The following HTR4 variants were observed in gnomAD, a reference collection of about 807,000 sequenced individuals.
The protein encoded by HTR4 is 5-hydroxytryptamine (serotonin) receptor 4, G protein-coupled.
A neutral mutation model predicts 36.8 loss-of-function variants in HTR4; 16 were observed. The observed-to-expected ratio is 0.43, with a 90% CI of 0.29 to 0.66. The LOEUF (loss-of-function observed/expected upper bound fraction) is 0.66. Ranked by LOEUF, HTR4 falls within the 30% of genes least tolerant of loss-of-function variation. The pLI is 0.13. For synonymous variants in HTR4, 189 were observed against 185.1 expected (o/e 1.02, Z -0.17); for missense variants, 438 against 490.9 (o/e 0.89, Z 1.02).
At chr5:148,590,282 CTTTTCTTTT>C (rs1761508989) in intron 2 of HTR4, among the ~76,000 whole-genome samples, 1 of 75,696 alleles carries the variant, frequency 1.3e-5, no homozygotes, top group Non-Finnish European at 2.8e-5. Flanking sequence ...TTTCTTTTTT[CTTTTCTTTT>C]TTTTTTTTTT....
At chr5:148,559,667 A>G (rs149394902) in intron 2 of HTR4, among the ~76,000 whole-genome samples, 19 of 152,274 alleles carry the variant, frequency 1.2e-4, no homozygotes, top group African/African-American at 4.6e-4. Flanking sequence ...CCAGCCCAGA[A>G]CGATCAGGAC....
intron 5 of HTR4, among the ~76,000 whole-genome samples, chr5:148,522,428 C>A (rs1427201046): frequency 6.6e-6 from 1 of 152,120 alleles, no homozygotes; most frequent in Non-Finnish European, 1.5e-5. Flanking sequence ...TGTTACTTAA[C>A]CTTAACCTAC....
chr5:148,635,832 A>C (rs1335158568), intron 2 of HTR4, among the ~76,000 whole-genome samples: 2 of 152,180 alleles, frequency 1.3e-5, no homozygotes, highest in Non-Finnish European at 2.9e-5. Flanking sequence ...GCACCAGCCT[A>C]AATAATCTAT....
chr5:148,480,860 C>T (rs113657221), downstream of HTR4, among the ~76,000 whole-genome samples: 95 of 152,284 alleles, frequency 6.2e-4, no homozygotes, highest in African/African-American at 2.0e-3. Context: ...TAATCCAAAA[C>T]GCCCAAAGTA....
At chr5:148,604,859 A>G (rs1232660906) in intron 2 of HTR4, among the ~76,000 whole-genome samples, 5 of 152,210 alleles carry the variant, frequency 3.3e-5, no homozygotes, top group Admixed American at 6.5e-5. Context: ...TGGAAATGTT[A>G]TTATTTCTTG....
intron 2 of HTR4, among the ~76,000 whole-genome samples, chr5:148,588,759 CTT>C (rs2127255739): frequency 1.3e-5 from 2 of 151,180 alleles, no homozygotes; most frequent in East Asian, 3.9e-4. Flanking sequence ...CCAGGATGGT[CTT>C]GATCTCCTGA....
chr5:148,523,045 T>C, intron 5 of HTR4, 148 bp downstream of exon 5: 1 of 691,770 alleles, frequency 1.4e-6, no homozygotes, highest in South Asian at 2.2e-5. Flanking sequence ...TCAGTAAGCA[T>C]TCAAAAGTGT....
At chr5:148,628,469 T>C (rs1753201465) in intron 2 of HTR4, 1 of 152,232 alleles carries the variant, frequency 6.6e-6, no homozygotes, top group African/African-American at 2.4e-5. Flanking sequence ...ATTTTCCTTT[T>C]ATTGTCGAAA....
At chr5:148,561,745 A>G (rs1440651918) in intron 2 of HTR4, among the ~76,000 whole-genome samples, 1 of 152,082 alleles carries the variant, frequency 6.6e-6, no homozygotes, top group Non-Finnish European at 1.5e-5. Flanking sequence ...CCTCAAAATT[A>G]TTCCTGTGAT....
At chr5:148,496,064 C>T (rs890217802) in intron 6 of HTR4, among the ~76,000 whole-genome samples, 3 of 152,116 alleles carry the variant, frequency 2.0e-5, no homozygotes, top group Admixed American at 6.5e-5. Flanking sequence ...CGCGCCACTG[C>T]ACTCCAGCCT....
intron 2 of HTR4, among the ~76,000 whole-genome samples, chr5:148,601,743 G>A (rs899747840): frequency 6.6e-6 from 1 of 152,172 alleles, no homozygotes; most frequent in Admixed American, 6.5e-5. Flanking sequence ...GGAGGTTGCA[G>A]TGAACTAAGG....
At chr5:148,553,994 A>G (rs984804850) in intron 2 of HTR4, among the ~76,000 whole-genome samples, 1 of 152,272 alleles carries the variant, frequency 6.6e-6, no homozygotes, top group Admixed American at 6.5e-5. Context: ...CCATTAATAG[A>G]TAAGTGAATA....
chr5:148,456,606 T>C (rs534864748), intron 5 of HTR4, among the ~76,000 whole-genome samples: 1 of 152,316 alleles, frequency 6.6e-6, no homozygotes, highest in Non-Finnish European at 1.5e-5. Flanking sequence ...CATCTACAAA[T>C]GCCTTAACAG....
intron 6 of HTR4, among the ~76,000 whole-genome samples, chr5:148,492,211 AGG>A (rs1756486567): frequency 6.6e-6 from 1 of 152,204 alleles, no homozygotes; most frequent in African/African-American, 2.4e-5. Context: ...ACGGAGCAAA[AGG>A]GGGAAAACAA....
chr5:148,621,572 G>A (rs774871829), intron 2 of HTR4, among the ~76,000 whole-genome samples: 1 of 152,188 alleles, frequency 6.6e-6, no homozygotes, highest in African/African-American at 2.4e-5. Context: ...CAGCAAGTTT[G>A]TGTTCTTGAA....
At chr5:148,560,204 TTAA>T (rs771512864) in intron 2 of HTR4, among the ~76,000 whole-genome samples, 4,666 of 124,916 alleles carry the variant, frequency 0.037, 93 homozygotes, top group South Asian at 0.055. Flanking sequence ...AGCTTTTTTT[TTAA>T]AAAAAAAAAA....
intron 4 of HTR4, among the ~76,000 whole-genome samples, chr5:148,547,562 A>AAAAATAAAATAAAAT (rs1554094303): frequency 7.2e-6 from 1 of 138,922 alleles, no homozygotes; most frequent in African/African-American, 2.7e-5. Context: ...AAAATAAAAT[A>AAAAATAAAATAAAAT]AAATAAATAA....
chr5:148,502,278 A>G (rs1402667006), intron 6 of HTR4, among the ~76,000 whole-genome samples: 1 of 152,172 alleles, frequency 6.6e-6, no homozygotes, highest in Non-Finnish European at 1.5e-5. Context: ...TCACACAGCC[A>G]GTTACCTCTC....
rs367886362 is a variant in HTR4, at chr5:148,550,281, C to G, written c.27-19G>C. 8.7e-6 allele frequency: 14 copies of G among 1,613,172 alleles called. No individual in the cohort carries two copies. The highest frequency in any genetic ancestry group is 2.2e-5 in the South Asian group (2 of 90,870). On this transcript the variant is annotated intron_variant, in intron 2 of 6. Coordinates refer to ENST00000377888, the MANE Select transcript of HTR4 (RefSeq NM_000870.7). ...CTCAGAACTGAAAGACACACACAAG[C>G]ACAAAGAATTGAATGAAACTCTGGG...
Sources: allele counts gnomAD v4.1 joint callset (sites outside exome capture counted in the v4.1 genomes callset), GRCh38; gene constraint gnomAD v4.1.1; transcripts MANE v1.5; gene names NCBI Gene and HGNC (gene_info 2026-07-23, HGNC 2026-07-21).